Variants in C1QTNF3 observed in about 807,000 individuals in gnomAD.
C1QTNF3 encodes the protein complement C1q tumor necrosis factor-related protein 3.
A neutral mutation model predicts 32.6 loss-of-function variants in C1QTNF3; 26 were observed. The observed-to-expected ratio is 0.80, with a 90% CI of 0.58 to 1.11. C1QTNF3 has a LOEUF of 1.11. Among genes scored for constraint, C1QTNF3 ranks in the 50% least tolerant of loss-of-function variants. The probability of loss-of-function intolerance (pLI) is 0.00; values close to 1 mark genes in which losing one functional copy is unlikely to be tolerated. For missense variants in C1QTNF3, 362 were observed against 398.2 expected (o/e 0.91, Z 0.77); for synonymous variants, 155 against 146.0 (o/e 1.06, Z -0.44).
the C1QTNF3 span, among the ~76,000 whole-genome samples, chr5:34,154,748 AGC>A: frequency 6.6e-6 from 1 of 152,176 alleles, no homozygotes; most frequent in Non-Finnish European, 1.5e-5. Context: ...AGAGAGAGAG[AGC>A]TAGAGATACA....
the C1QTNF3 span, among the ~76,000 whole-genome samples, chr5:34,107,004 C>T: frequency 1.9e-4 from 15 of 78,870 alleles, 2 homozygotes; most frequent in African/African-American, 8.2e-4. Context: ...ATATTTTGAA[C>T]GCTGGAAACC....
rs1032862360 is a variant in C1QTNF3 at position 34,020,398 on chromosome 5, T to C, written c.*185A>G. 1.5e-6 allele frequency: 1 copy of C among 652,618 alleles called. No homozygotes were observed. The highest frequency in any genetic ancestry group is 2.6e-6 in the Non-Finnish European group (1 of 380,924). 40.4% of individuals were successfully genotyped at this position (652,618 alleles called of 1,614,324 possible). On this transcript the variant is annotated 3_prime_UTR_variant, in exon 6 of 6. Coordinates refer to ENST00000382065, the MANE Select transcript of C1QTNF3 (RefSeq NM_181435.6). ...AAGGTCATCTGAGAAGACTATTTTG[T>C]GGTTGATTCTTCTGAGCCCCTGAAT...
the C1QTNF3 span, among the ~76,000 whole-genome samples, chr5:34,061,042 T>C: frequency 2.6e-5 from 4 of 152,212 alleles, no homozygotes; most frequent in Non-Finnish European, 5.9e-5. Context: ...ACTTCCTAGA[T>C]ACAATGGGAG....
At chr5:34,189,220 T>G in the C1QTNF3 span, among the ~76,000 whole-genome samples, 1 of 45,310 alleles carries the variant, frequency 2.2e-5, no homozygotes, top group East Asian at 3.3e-4. Context: ...TTTCTTTTTC[T>G]TTTTTTTTAT....
chr5:34,076,938 A>C, the C1QTNF3 span, among the ~76,000 whole-genome samples: 5 of 151,774 alleles, frequency 3.3e-5, no homozygotes, highest in East Asian at 9.7e-4. Context: ...AGATTCACAT[A>C]CTGTGATGCC....
intron 2 of C1QTNF3, among the ~76,000 whole-genome samples, chr5:34,033,797 AT>A (rs1754673368): frequency 6.6e-6 from 1 of 152,242 alleles, no homozygotes; most frequent in African/African-American, 2.4e-5. Context: ...ACTATGTTAT[AT>A]AGTCATAAAA....
At chr5:34,161,095 T>C in the C1QTNF3 span, among the ~76,000 whole-genome samples, 1 of 152,142 alleles carries the variant, frequency 6.6e-6, no homozygotes, top group South Asian at 2.1e-4. Flanking sequence ...CAGCTGGAGA[T>C]CGCTCACTGA....
At chr5:34,091,565 T>A in the C1QTNF3 span, among the ~76,000 whole-genome samples, 1 of 152,294 alleles carries the variant, frequency 6.6e-6, no homozygotes, top group Non-Finnish European at 1.5e-5. Flanking sequence ...ATGTTTGCTA[T>A]TTCATGACAT....
At chr5:34,063,203 T>A in the C1QTNF3 span, among the ~76,000 whole-genome samples, 1 of 152,188 alleles carries the variant, frequency 6.6e-6, no homozygotes, top group East Asian at 1.9e-4. Flanking sequence ...TTTTCTTAAC[T>A]ACTTGTATAT....
At chr5:34,074,439 G>T in the C1QTNF3 span, among the ~76,000 whole-genome samples, 1 of 151,424 alleles carries the variant, frequency 6.6e-6, no homozygotes, top group Admixed American at 6.6e-5. Flanking sequence ...TCTCTACATC[G>T]GCTAATATAA....
the C1QTNF3 span, among the ~76,000 whole-genome samples, chr5:34,195,801 C>G: frequency 1.3e-5 from 2 of 151,522 alleles, no homozygotes; most frequent in Admixed American, 6.6e-5. Flanking sequence ...GATTGTGCCA[C>G]TGCACTCCAG....
the C1QTNF3 span, among the ~76,000 whole-genome samples, chr5:34,141,302 T>G: frequency 6.6e-6 from 1 of 152,102 alleles, no homozygotes; most frequent in African/African-American, 2.4e-5. Flanking sequence ...GTATTTTTAA[T>G]AAAGATGGGG....
the C1QTNF3 span, among the ~76,000 whole-genome samples, chr5:34,221,382 T>C: frequency 6.6e-6 from 1 of 152,064 alleles, no homozygotes; most frequent in African/African-American, 2.4e-5. Context: ...TTTTATTGTG[T>C]ATCTCAATAT....
chr5:34,028,085 G>A (rs1319204019), intron 4 of C1QTNF3, among the ~76,000 whole-genome samples: 2 of 151,992 alleles, frequency 1.3e-5, no homozygotes, highest in Admixed American at 6.6e-5. Context: ...CCATTCTCCT[G>A]CCTCAGCCTC....
the C1QTNF3 span, among the ~76,000 whole-genome samples, chr5:34,113,944 A>G: frequency 6.6e-6 from 1 of 152,230 alleles, no homozygotes; most frequent in Non-Finnish European, 1.5e-5. Flanking sequence ...GGAAAATGCC[A>G]TATCCATCAT....
At chr5:34,054,756 A>ATT in the C1QTNF3 span, among the ~76,000 whole-genome samples, 52 of 151,788 alleles carry the variant, frequency 3.4e-4, 1 homozygote, top group Admixed American at 2.5e-3. Flanking sequence ...AGGAATCTGT[A>ATT]TTTTTTTTAC....
At chr5:34,176,058 T>C in the C1QTNF3 span, 2 of 613,462 alleles carry the variant, frequency 3.3e-6, no homozygotes, top group Non-Finnish European at 5.9e-6. Context: ...CTGTCCTCAC[T>C]GGGGGCTGTA....
At chr5:34,162,410 T>A in the C1QTNF3 span, among the ~76,000 whole-genome samples, 1 of 152,138 alleles carries the variant, frequency 6.6e-6, no homozygotes, top group Non-Finnish European at 1.5e-5. Context: ...AATCACCTCT[T>A]ATTAGGCCCT....
chr5:34,141,049 AT>A, the C1QTNF3 span, among the ~76,000 whole-genome samples: 1 of 152,220 alleles, frequency 6.6e-6, no homozygotes, highest in Non-Finnish European at 1.5e-5. Flanking sequence ...AGTGGACTTA[AT>A]AACAGAAATT....
Sources: gnomAD v4.1 joint callset for allele counts (sites outside exome capture counted in the v4.1 genomes callset) on GRCh38, gnomAD v4.1.1 for gene constraint, MANE v1.5 for transcripts, NCBI Gene and HGNC (gene_info 2026-07-23, HGNC 2026-07-21) for gene names.